The following IER2 variants were observed in gnomAD, a reference collection of about 807,000 sequenced individuals.
IER2 encodes the protein immediate early response gene 2 protein.
For missense variants in IER2, 372 were observed against 325.4 expected (o/e 1.14, Z -1.10); for synonymous variants, 198 against 149.6 (o/e 1.32, Z -2.36).
chr19:13,150,971 G>A lies in IER2; in HGVS notation c.-244+419G>A, dbSNP rs1478693680. ...TTCTGGGTGCGAGCCTGGGGGTAGCGGGTGGTGGCTTTGAGGATGGTCTCC... is the reference window on the plus strand; with the variant it reads ...TTCTGGGTGCGAGCCTGGGGGTAGCAGGTGGTGGCTTTGAGGATGGTCTCC... On this transcript the variant is annotated intron_variant, in intron 1 of 1. Transcript: ENST00000292433. The surrounding 1 kb of genome is among the most constrained non-coding windows in gnomAD (Gnocchi z 4.0). Among the ~76,000 whole-genome samples the A allele has an allele frequency of 6.6e-6, 1 of 152,130 alleles. No homozygotes were observed. Among genetic ancestry groups the A allele is most frequent in the African/African-American group, 2.4e-5 (1 of 41,426 alleles).
At chr19:13,151,417 G>T (rs1290618939) in intron 1 of IER2, among the ~76,000 whole-genome samples, 1 of 148,434 alleles carries the variant, frequency 6.7e-6, no homozygotes, top group African/African-American at 2.5e-5. Context: ...GGCGGGACGG[G>T]AGGGTGTCCC....
At chr19:13,151,282 C>A (rs553273186) in intron 1 of IER2, among the ~76,000 whole-genome samples, 3 of 151,652 alleles carry the variant, frequency 2.0e-5, no homozygotes, top group Non-Finnish European at 2.9e-5. Context: ...GTAAGGTTAG[C>A]GGGGTGGGGA....
rs530957684 is a variant in IER2 at position 13,151,750 on chromosome 19, G to C, written c.-243-1194G>C. Among the ~76,000 whole-genome samples, 15 of 152,304 alleles carry C rather than the reference G, an allele frequency of 9.8e-5. No individual in the cohort carries two copies. In the South Asian group the frequency reaches 3.1e-3, roughly 32 times the overall value. ...GGCTCCAGCCTGCTCCGGCTGCCCG[G>C]GTCGGGGATGGGGAGGGGCGTGGCC... On this transcript the variant is annotated intron_variant, in intron 1 of 1. Coordinates refer to ENST00000292433, the MANE Select transcript of IER2 (RefSeq NM_004907.3).
chr19:13,151,618 C>G (rs910026441), intron 1 of IER2, among the ~76,000 whole-genome samples: 3 of 152,156 alleles, frequency 2.0e-5, no homozygotes, highest in African/African-American at 7.2e-5. Flanking sequence ...TCGCCCCTAC[C>G]CGCTGCGGGG....
At chr19:13,151,771 T>A (rs1288356782) in intron 1 of IER2, among the ~76,000 whole-genome samples, 1 of 148,554 alleles carries the variant, frequency 6.7e-6, no homozygotes, top group Non-Finnish European at 1.5e-5. Flanking sequence ...GGGAGGGGCG[T>A]GGCCGGAGCG....
Position 13,153,120 on chromosome 19 carries a change from C to G in IER2, c.-67C>G, listed in dbSNP as rs1237973930. ...AGAGAGGCGTGAGCGAGCCCGTTGTCCGGAGTGCACCTGCTGCCTGTTCTG... is the reference window on the plus strand; with the variant it reads ...AGAGAGGCGTGAGCGAGCCCGTTGTGCGGAGTGCACCTGCTGCCTGTTCTG... On this transcript the variant is annotated 5_prime_UTR_variant, in exon 2 of 2. Coordinates refer to ENST00000292433, the MANE Select transcript of IER2 (RefSeq NM_004907.3). The G allele has an allele frequency of 3.2e-6, 4 of 1,238,852 alleles. No individual in the cohort carries two copies. The Admixed American group carries it at 1.2e-4, about 37-fold the overall frequency. The allele number at this position is 1,238,852 out of a possible 1,614,324, so 76.7% of individuals were successfully genotyped here. A position where few individuals can be genotyped will look rare whatever the true frequency, so the allele number is the denominator to read the frequency against.
Position 13,153,539 on chromosome 19 carries a change from T to C in IER2, c.353T>C (p.Val118Ala), listed in dbSNP as rs1303189884. 2 of 1,588,344 alleles carry C rather than the reference T, an allele frequency of 1.3e-6. No individual in the cohort carries two copies. The highest frequency in any genetic ancestry group is 1.3e-5 in the African/African-American group (1 of 74,146). The change falls in exon 2 of 2, where the codon GTC becomes GCC. Residue 118 changes from valine to alanine, a missense_variant. Physicochemically the swap from Val to Ala is moderately conservative, Grantham distance 64. Coordinates refer to ENST00000292433, the MANE Select transcript of IER2 (RefSeq NM_004907.3). ...TGCTGTGCCCCGCGCCCCGCCAAAG[T>C]CAGCCGCAAACGACGCAGCAGCAGC... ...SACCAPRPAK[V>A]SRKRRSSSLS...
rs1471793737 is a variant in IER2, at chr19:13,153,122, G to A, written c.-65G>A. On this transcript the variant is annotated 5_prime_UTR_variant, in exon 2 of 2. Coordinates refer to ENST00000292433, the MANE Select transcript of IER2 (RefSeq NM_004907.3). Reference sequence around the variant, plus strand: ...AGAGGCGTGAGCGAGCCCGTTGTCCGGAGTGCACCTGCTGCCTGTTCTGTC... The same window carrying A: ...AGAGGCGTGAGCGAGCCCGTTGTCCAGAGTGCACCTGCTGCCTGTTCTGTC... 4 of 1,249,980 alleles carry A rather than the reference G, an allele frequency of 3.2e-6. No homozygotes were observed. The highest frequency in any genetic ancestry group is 3.1e-5 in the African/African-American group (2 of 64,566). The allele number at this position is 1,249,980 out of a possible 1,614,324, so 77.4% of individuals were successfully genotyped here.
rs758607538 is a variant in IER2 at position 13,153,578 on chromosome 19, G to A, written c.392G>A (p.Gly131Glu). Residue 131 changes from glycine to glutamate, a missense_variant, in exon 2 of 2, where the codon GGG (glycine) becomes GAG (glutamate). By Grantham distance (98) the Gly-to-Glu change is moderately conservative. Transcript: ENST00000292433. The part of the protein sequence containing the change: ...KRRSSSLSDG[G>E]DAGLVPSKKA... ...CGCAGCAGCAGCCTGAGCGACGGCGGGGACGCTGGACTGGTCCCGAGCAAG... is the reference window on the plus strand; with the variant it reads ...CGCAGCAGCAGCCTGAGCGACGGCGAGGACGCTGGACTGGTCCCGAGCAAG... 1.9e-6 allele frequency: 3 copies of A among 1,602,320 alleles called. No individual in the cohort carries two copies. The highest frequency in any genetic ancestry group is 1.7e-5 in the Admixed American group (1 of 58,240).
At position 13,153,610 on chromosome 19, in the gene IER2, C is replaced by G. The variant is rs371930497; in HGVS notation, c.424C>G (p.Arg142Gly). ...TGGACTGGTCCCGAGCAAGAAAGCC[C>G]GTCTGGAAGAAAAGGAAGAAGAGGA... is the stretch of plus-strand genomic sequence containing the variant. ...DAGLVPSKKA[R>G]LEEKEEEEGA... Residue 142 changes from arginine to glycine, a missense_variant, in exon 2 of 2, where the codon CGT (arginine) becomes GGT (glycine). Arg to Gly is a moderately radical substitution (Grantham distance 125). Transcript: ENST00000292433. 1.2e-6 allele frequency: 2 copies of G among 1,611,354 alleles called. No homozygotes were observed. The highest frequency in any genetic ancestry group is 1.7e-5 in the Admixed American group (1 of 59,728).
chr19:13,150,769 C>G lies in IER2; in HGVS notation c.-244+217C>G, dbSNP rs370059575. Among the ~76,000 whole-genome samples, 1 of 152,288 alleles carries G rather than the reference C, an allele frequency of 6.6e-6. No homozygotes were observed. Among genetic ancestry groups the G allele is most frequent in the East Asian group, 1.9e-4 (1 of 5,172 alleles). On this transcript the variant is annotated intron_variant, in intron 1 of 1. Coordinates refer to ENST00000292433, the MANE Select transcript of IER2 (RefSeq NM_004907.3). The surrounding 1 kb of genome is among the most constrained non-coding windows in gnomAD (Gnocchi z 4.0). ...CGCGGTGAGGAGCGGGCCTGCTCCT[C>G]CGGGGAGTTCTGCCGCATTCTCCCA...
chr19:13,153,717 C>G lies in IER2; in HGVS notation c.531C>G (p.Val177=). 6.2e-7 allele frequency: 1 copy of G among 1,608,870 alleles called. No individual in the cohort carries two copies. The highest frequency in any genetic ancestry group is 8.5e-7 in the Non-Finnish European group (1 of 1,179,426). The change falls in exon 2 of 2, where the codon GTC becomes GTG. Residue 177 remains valine, a synonymous_variant. Transcript: ENST00000292433. ...GCGCCTTTCCCAACCTGGCCCGCGTCCTGCAGAGGCGCTTCTCCGGCCTCC... is the reference window on the plus strand; with the variant it reads ...GCGCCTTTCCCAACCTGGCCCGCGTGCTGCAGAGGCGCTTCTCCGGCCTCC... The part of the protein sequence containing the change: ...AEGAFPNLAR[V]LQRRFSGLLN...
Position 13,153,269 on chromosome 19 carries a change from T to C in IER2, c.83T>C (p.Leu28Pro). 1.3e-6 allele frequency: 2 copies of C among 1,596,414 alleles called. No individual in the cohort carries two copies. Among genetic ancestry groups the C allele is most frequent in the Non-Finnish European group, 1.7e-6 (2 of 1,171,496 alleles). The change falls in exon 2 of 2, where the codon CTG (leucine) becomes CCG (proline). Residue 28 changes from leucine (L) to proline (P), a missense_variant. Transcript: ENST00000292433. ...CACTCCCGCATGCAGCGCGGTGGCC[T>C]GCGGCTGCACCGGAGTCTGCAGCTG... ...MYHSRMQRGG[L>P]RLHRSLQLSL...
chr19:13,153,242 A>G lies in IER2; in HGVS notation c.56A>G (p.Tyr19Cys), dbSNP rs746975570. 3 of 1,561,598 alleles carry G rather than the reference A, an allele frequency of 1.9e-6. No homozygotes were observed. The highest frequency in any genetic ancestry group is 1.4e-5 in the African/African-American group (1 of 72,606). ...RIMTLSVWKM[Y>C]HSRMQRGGLR... Reference sequence around the variant, plus strand: ...ATGACCCTGTCGGTGTGGAAGATGTATCACTCCCGCATGCAGCGCGGTGGC... The same window carrying G: ...ATGACCCTGTCGGTGTGGAAGATGTGTCACTCCCGCATGCAGCGCGGTGGC... The change falls in exon 2 of 2, where the codon TAT becomes TGT. Residue 19 changes from tyrosine (Y) to cysteine (C), a missense_variant. By Grantham distance (194) the Tyr-to-Cys change is radical (BLOSUM62 -2). Transcript: ENST00000292433.
rs111958427 is a variant in IER2 at position 13,154,397 on chromosome 19, G to T, written c.*539G>T. ...TCGTTGCGTCATGGGGCAGGCGTGG[G>T]GAGCTTCCTGTCGCCTTGCGTGGGT... On this transcript the variant is annotated 3_prime_UTR_variant, in exon 2 of 2. Transcript: ENST00000292433. 6.0e-6 allele frequency: 1 copy of T among 167,682 alleles called. No individual in the cohort carries two copies. The highest frequency in any genetic ancestry group is 2.4e-5 in the African/African-American group (1 of 41,580). 10.4% of individuals were successfully genotyped at this position (167,682 alleles called of 1,614,324 possible).
chr19:13,150,589 G>A lies in IER2; in HGVS notation c.-244+37G>A, dbSNP rs904159699. 39 of 185,718 alleles carry A rather than the reference G, an allele frequency of 2.1e-4. No homozygotes were observed. Among genetic ancestry groups the A allele is most frequent in the Non-Finnish European group, 1.1e-4 (10 of 88,826 alleles). The allele number at this position is 185,718 out of a possible 1,614,324, so 11.5% of individuals were successfully genotyped here. ...TAGCCTCCCTCATCTCTGGCGGCTGGGTATTATGGCTGGGGAAGGGGCTCA... is the reference window on the plus strand; with the variant it reads ...TAGCCTCCCTCATCTCTGGCGGCTGAGTATTATGGCTGGGGAAGGGGCTCA... On this transcript the variant is annotated intron_variant, in intron 1 of 1. Transcript: ENST00000292433. This position sits in a 1 kb window ranked among gnomAD's most constrained non-coding sequence, Gnocchi z 4.0.
chr19:13,153,941 C>T lies in IER2; in HGVS notation c.*83C>T, dbSNP rs567356468. On this transcript the variant is annotated 3_prime_UTR_variant, in exon 2 of 2. Coordinates refer to ENST00000292433, the MANE Select transcript of IER2 (RefSeq NM_004907.3). Reference sequence around the variant, plus strand: ...CGCAGACCTGAGGCGAGGCCACCCCCCTCCATCCTGGGGGAAGCGCCCGCG... The same window carrying T: ...CGCAGACCTGAGGCGAGGCCACCCCTCTCCATCCTGGGGGAAGCGCCCGCG... The T allele has an allele frequency of 2.6e-5, 32 of 1,240,014 alleles. No individual in the cohort carries two copies. Among genetic ancestry groups the T allele is most frequent in the African/African-American group, 2.4e-4 (15 of 62,186 alleles). The allele number at this position is 1,240,014 out of a possible 1,614,324, so 76.8% of individuals were successfully genotyped here.
rs759275953 is a variant in IER2 at position 13,153,744 on chromosome 19, G to A, written c.558G>A (p.Leu186=). The change falls in exon 2 of 2, where the codon CTG becomes CTA. Residue 186 remains leucine (L), a synonymous_variant. Transcript: ENST00000292433. The part of the protein sequence containing the change: ...RVLQRRFSGL[L]NCSPAAPPTA... ...TGCAGAGGCGCTTCTCCGGCCTCCT[G>A]AACTGCAGCCCCGCGGCCCCTCCGA... The A allele has an allele frequency of 1.1e-5, 18 of 1,600,304 alleles. No homozygotes were observed. The highest frequency in any genetic ancestry group is 1.5e-5 in the Non-Finnish European group (18 of 1,176,738).
rs2020107660 is a variant in IER2 at position 13,154,628 on chromosome 19, G to T, written c.*770G>T. 1.2e-5 allele frequency: 2 copies of T among 167,166 alleles called. No homozygotes were observed. The highest frequency in any genetic ancestry group is 1.3e-4 in the Admixed American group (2 of 15,274). 10.4% of individuals were successfully genotyped at this position (167,166 alleles called of 1,614,324 possible). On this transcript the variant is annotated 3_prime_UTR_variant, in exon 2 of 2. Transcript: ENST00000292433. Reference sequence around the variant, plus strand: ...GCCCAGTAGGTTCCCAGGTTCCAGCGTGCCCCTCCCTCAGACACACGGACA... The same window carrying T: ...GCCCAGTAGGTTCCCAGGTTCCAGCTTGCCCCTCCCTCAGACACACGGACA...
Sources: allele counts gnomAD v4.1 joint callset (sites outside exome capture counted in the v4.1 genomes callset), GRCh38; gene constraint gnomAD v4.1.1; non-coding constraint Gnocchi (gnomAD v3.1); transcripts MANE v1.5; gene names NCBI Gene and HGNC (gene_info 2026-07-23, HGNC 2026-07-21).